The following EDDM13 variants were observed in gnomAD, a reference collection of about 807,000 sequenced individuals.
EDDM13 encodes the protein epididymal protein 13.
EDDM13 carries 24 observed loss-of-function variants against 17.8 expected under a neutral mutation model. That is an observed-to-expected ratio of 1.35 (90% confidence interval 0.98 to 1.90). The LOEUF is 1.90. Ranked by LOEUF, EDDM13 falls within the 40% of genes most tolerant of loss-of-function variation. EDDM13 has a pLI of 0.00. For missense variants in EDDM13, 97 were observed against 100.8 expected, an observed-to-expected ratio of 0.96 and a Z score of 0.16; for synonymous variants, 31 against 37.5, an observed-to-expected ratio of 0.83 and a Z score of 0.63.
intron 14 of EDDM13, among the ~76,000 whole-genome samples, chr19:56,309,483 A>C (rs35920556): frequency 6.6e-6 from 1 of 152,180 alleles, no homozygotes; most frequent in Non-Finnish European, 1.5e-5. Context: ...TTTTACCTCA[A>C]TTACAAAAAG....
At chr19:56,286,635 C>T (rs2039145762) in intron 6 of EDDM13, 1 of 152,166 alleles carries the variant, frequency 6.6e-6, no homozygotes, top group Non-Finnish European at 1.5e-5. Flanking sequence ...GAAGGTTGTT[C>T]CCGCTGTTCG....
intron 14 of EDDM13, among the ~76,000 whole-genome samples, chr19:56,308,120 G>A (rs1436838086): frequency 2.0e-5 from 3 of 152,310 alleles, no homozygotes; most frequent in Non-Finnish European, 1.5e-5. Flanking sequence ...TGCAACCTCC[G>A]CCTCCCGGGT....
intron 14 of EDDM13, among the ~76,000 whole-genome samples, 172 bp downstream of exon 14, chr19:56,305,002 C>A (rs867134858): frequency 6.6e-6 from 1 of 152,150 alleles, no homozygotes; most frequent in African/African-American, 2.4e-5. Context: ...ACTTGCAAGC[C>A]ACTGCCTGAC....
chr19:56,297,069 C>A (rs1234742065), intron 11 of EDDM13, among the ~76,000 whole-genome samples: 10 of 145,366 alleles, frequency 6.9e-5, no homozygotes, highest in African/African-American at 7.7e-5. Context: ...AACTCTGTCT[C>A]AAAAAAAAAA....
At chr19:56,302,737 G>C in intron 13 of EDDM13, 1 of 378,952 alleles carries the variant, frequency 2.6e-6, no homozygotes, top group Non-Finnish European at 4.6e-6. Flanking sequence ...CTCTAGACTG[G>C]GATAAAACTT....
chr19:56,294,736 A>T (rs1467764380), intron 9 of EDDM13, among the ~76,000 whole-genome samples: 2 of 152,236 alleles, frequency 1.3e-5, no homozygotes, highest in Non-Finnish European at 2.9e-5. Flanking sequence ...AAGTGTCAGG[A>T]TGTCCACCCA....
At chr19:56,275,636 A>G (rs2038192173) in intron 1 of EDDM13, among the ~76,000 whole-genome samples, 2 of 152,216 alleles carry the variant, frequency 1.3e-5, no homozygotes, top group South Asian at 4.1e-4. Flanking sequence ...GAGTGTGATG[A>G]CCACAGATTC....
At chr19:56,292,406 G>A (rs1961112303) in intron 9 of EDDM13, among the ~76,000 whole-genome samples, 1 of 151,476 alleles carries the variant, frequency 6.6e-6, no homozygotes, top group African/African-American at 2.4e-5. Flanking sequence ...GGGACTACAG[G>A]TGTGCATCAT....
intron 12 of EDDM13, among the ~76,000 whole-genome samples, chr19:56,301,618 C>T (rs2040237132): frequency 6.6e-6 from 1 of 152,020 alleles, no homozygotes. Flanking sequence ...GGAATGTAGC[C>T]CAGTAGGGCT....
chr19:56,278,195 C>T (rs976312061), intron 2 of EDDM13, among the ~76,000 whole-genome samples: 3 of 151,794 alleles, frequency 2.0e-5, no homozygotes, highest in African/African-American at 7.3e-5. Context: ...GGTCTCGGCT[C>T]GCCATGACAT....
At chr19:56,285,463 C>T (rs1000605677) in intron 6 of EDDM13, among the ~76,000 whole-genome samples, 1 of 152,160 alleles carries the variant, frequency 6.6e-6, no homozygotes, top group Non-Finnish European at 1.5e-5. Context: ...ATAACTTTAC[C>T]TCTTTCAAAT....
chr19:56,308,179 G>T (rs1279306390), intron 14 of EDDM13, among the ~76,000 whole-genome samples: 1 of 148,850 alleles, frequency 6.7e-6, no homozygotes, highest in Admixed American at 6.7e-5. Flanking sequence ...GACTACAGGC[G>T]AGTGCCACCA....
chr19:56,296,710 G>A (rs1285907223), intron 11 of EDDM13, among the ~76,000 whole-genome samples: 1 of 152,152 alleles, frequency 6.6e-6, no homozygotes, highest in Admixed American at 6.5e-5. Context: ...AGACAATAGA[G>A]TAATGGGGAT....
intron 9 of EDDM13, chr19:56,295,683 C>G (rs1600216676): frequency 6.6e-6 from 1 of 152,402 alleles, no homozygotes; most frequent in African/African-American, 2.4e-5. Flanking sequence ...TGCTGCGGTG[C>G]AAATCCTGCA....
At chr19:56,302,585 T>C (rs113744405) in intron 13 of EDDM13, among the ~76,000 whole-genome samples, 1,781 of 43,552 alleles carry the variant, frequency 0.041, 37 homozygotes, top group Non-Finnish European at 0.046. Flanking sequence ...TCCTCCCCCT[T>C]TTCTTCCTCT....
intron 4 of EDDM13, among the ~76,000 whole-genome samples, chr19:56,282,789 T>C (rs2038812107): frequency 6.6e-6 from 1 of 152,248 alleles, no homozygotes; most frequent in Admixed American, 6.5e-5. Flanking sequence ...TCAATTCAGG[T>C]CTACCTGACA....
intron 13 of EDDM13, among the ~76,000 whole-genome samples, chr19:56,302,601 TTCTTCCTCTCCC>T (rs2040397199): frequency 3.0e-5 from 2 of 66,082 alleles, no homozygotes; most frequent in Non-Finnish European, 6.0e-5. Context: ...CCTCTCCCTC[TTCTTCCTCTCCC>T]TCTTCCTCCC....
At chr19:56,276,317 C>T (rs11672079) in intron 2 of EDDM13, among the ~76,000 whole-genome samples, 63,474 of 151,498 alleles carry the variant, frequency 0.42, 14,377 homozygotes, top group Non-Finnish European at 0.51. Context: ...AGCCCTCCTT[C>T]ACTCCTTTGT....
At chr19:56,276,015 A>G (rs1027258737) in intron 1 of EDDM13, among the ~76,000 whole-genome samples, 77 bp from the exon 2 acceptor site, 1 of 152,074 alleles carries the variant, frequency 6.6e-6, no homozygotes, top group African/African-American at 2.4e-5. Context: ...TATTGCACTG[A>G]TCTGAGTCTA....
Sources: allele counts gnomAD v4.1 joint callset (sites outside exome capture counted in the v4.1 genomes callset), GRCh38; gene constraint gnomAD v4.1.1; transcripts MANE v1.5; gene names NCBI Gene and HGNC (gene_info 2026-07-23, HGNC 2026-07-21).